Variants in SH3RF2 observed in about 807,000 individuals in gnomAD.
SH3RF2 encodes the protein E3 ubiquitin-protein ligase SH3RF2.
In SH3RF2, 43 loss-of-function variants were observed where a neutral mutation model predicts 59.0. The ratio of observed to expected loss-of-function variants is 0.73; its 90% CI spans 0.57 to 0.94. SH3RF2 has a LOEUF of 0.94. Among genes scored for constraint, SH3RF2 ranks in the 40% least tolerant of loss-of-function variants. The probability of loss-of-function intolerance (pLI) is 0.00; values close to 1 mark genes in which losing one functional copy is unlikely to be tolerated. For missense variants in SH3RF2, 930 were observed against 940.1 expected, an observed-to-expected ratio of 0.99 and a Z score of 0.14; for synonymous variants, 391 against 391.5, an observed-to-expected ratio of 1.00 and a Z score of 0.01.
chr5:146,046,829 C>A (rs1762321856), intron 5 of SH3RF2, among the ~76,000 whole-genome samples: 1 of 151,700 alleles, frequency 6.6e-6, no homozygotes, highest in Non-Finnish European at 1.5e-5. Context: ...AGTGGCACAA[C>A]CATGGCTCAC....
At chr5:146,064,658 GAGAA>G (rs1561773054), downstream of SH3RF2, among the ~76,000 whole-genome samples, 1 of 25,358 alleles carries the variant, frequency 3.9e-5, no homozygotes, top group East Asian at 1.4e-3. Context: ...AAGAGAGAGA[GAGAA>G]AGAGAAAGAA....
chr5:146,049,485 A>G (rs1762418661), intron 7 of SH3RF2, among the ~76,000 whole-genome samples: 1 of 152,216 alleles, frequency 6.6e-6, no homozygotes, highest in South Asian at 2.1e-4. Flanking sequence ...GTGCCCAAGA[A>G]TCCTCTAAGG....
At chr5:145,949,856 T>G (rs964196260) in intron 2 of SH3RF2, among the ~76,000 whole-genome samples, 2 of 152,264 alleles carry the variant, frequency 1.3e-5, no homozygotes, top group Admixed American at 6.5e-5. Context: ...TTCTTTTTAT[T>G]GTTTTGTTCT....
intron 5 of SH3RF2, among the ~76,000 whole-genome samples, chr5:146,018,537 T>G (rs1205584202): frequency 3.9e-5 from 6 of 152,044 alleles, no homozygotes; most frequent in African/African-American, 1.4e-4. Context: ...CACCACATTT[T>G]CTTTATCCAT....
intron 3 of SH3RF2, among the ~76,000 whole-genome samples, chr5:146,003,038 C>T (rs545859146): frequency 6.6e-6 from 1 of 152,274 alleles, no homozygotes; most frequent in African/African-American, 2.4e-5. Context: ...TAAATCAATC[C>T]TAATTCCTGA....
Position 145,939,233 on chromosome 5 carries a change from G to A in SH3RF2, c.378+927G>A, listed in dbSNP as rs568513322. On this transcript the variant is annotated intron_variant, in intron 2 of 9. Coordinates refer to ENST00000359120, the MANE Select transcript of SH3RF2 (RefSeq NM_152550.4). ...CAGTGTAAAAAAGTGGACACGGAAA[G>A]CTGTGGCTTGGGCCATTGGCATACT... Among the ~76,000 whole-genome samples, 7 of 152,358 alleles carry A rather than the reference G, an allele frequency of 4.6e-5. No homozygotes were observed. In the South Asian group the frequency reaches 1.4e-3, roughly 32 times the overall value.
chr5:145,955,230 G>A (rs1243478757), intron 2 of SH3RF2, among the ~76,000 whole-genome samples: 2 of 152,094 alleles, frequency 1.3e-5, no homozygotes, highest in Non-Finnish European at 2.9e-5. Flanking sequence ...TTTCAGTTGG[G>A]GAACAAAATC....
chr5:145,965,997 G>T (rs1758842865), intron 2 of SH3RF2, among the ~76,000 whole-genome samples: 1 of 152,190 alleles, frequency 6.6e-6, no homozygotes, highest in Non-Finnish European at 1.5e-5. Context: ...GAGGCAAAGG[G>T]AACAGTAGCT....
chr5:145,989,113 G>A (rs576699915), intron 2 of SH3RF2, among the ~76,000 whole-genome samples: 23 of 152,262 alleles, frequency 1.5e-4, no homozygotes, highest in African/African-American at 5.3e-4. Context: ...CCAGCAAAGT[G>A]CCCCAGATGC....
intron 5 of SH3RF2, among the ~76,000 whole-genome samples, chr5:146,041,457 G>GCCTAGCAC (rs1428964502): frequency 1.3e-5 from 2 of 152,212 alleles, no homozygotes; most frequent in African/African-American, 2.4e-5. Context: ...TAACCCCAGT[G>GCCTAGCAC]CCTAGCACGG....
intron 5 of SH3RF2, among the ~76,000 whole-genome samples, chr5:146,037,645 C>T (rs1761986014): frequency 6.6e-6 from 1 of 152,104 alleles, no homozygotes; most frequent in Admixed American, 6.5e-5. Flanking sequence ...TCTTAAAAAC[C>T]CTTCAGAATA....
intron 5 of SH3RF2, among the ~76,000 whole-genome samples, chr5:146,018,931 G>A (rs1424942677): frequency 6.6e-6 from 1 of 151,414 alleles, no homozygotes; most frequent in Non-Finnish European, 1.5e-5. Context: ...TATATCTTGT[G>A]TATCTTCTTT....
At chr5:145,992,811 G>A (rs1260048780) in intron 2 of SH3RF2, among the ~76,000 whole-genome samples, 3 of 152,132 alleles carry the variant, frequency 2.0e-5, no homozygotes, top group Non-Finnish European at 2.9e-5. Context: ...TCTGGGCGGG[G>A]ACAGAGCCAA....
intron 2 of SH3RF2, among the ~76,000 whole-genome samples, chr5:145,998,879 C>T (rs796246404): frequency 3.3e-4 from 50 of 152,226 alleles, no homozygotes; most frequent in African/African-American, 1.2e-3. Flanking sequence ...CCACTGGACT[C>T]CAGCCTGGCA....
At chr5:146,006,557 ATG>A (rs1022760784) in intron 4 of SH3RF2, among the ~76,000 whole-genome samples, 4 of 152,230 alleles carry the variant, frequency 2.6e-5, no homozygotes, top group Admixed American at 2.0e-4. Flanking sequence ...TGGAGGTAGA[ATG>A]TGCAAAAGTC....
chr5:145,991,501 A>G (rs1759930261), intron 2 of SH3RF2, among the ~76,000 whole-genome samples: 1 of 152,076 alleles, frequency 6.6e-6, no homozygotes. Flanking sequence ...GCTTTGCACT[A>G]TGGAAGCCAA....
chr5:145,997,792 G>GA, intron 2 of SH3RF2: 4 of 1,553,894 alleles, frequency 2.6e-6, no homozygotes, highest in African/African-American at 1.4e-5. Context: ...TAAACCTAAA[G>GA]AAAAAAAATT....
chr5:146,051,945 G>A (rs1214477479), intron 7 of SH3RF2, among the ~76,000 whole-genome samples: 1 of 152,110 alleles, frequency 6.6e-6, no homozygotes, highest in African/African-American at 2.4e-5. Flanking sequence ...GTGGAGTGGT[G>A]GGTAGTCAAG....
intron 4 of SH3RF2, among the ~76,000 whole-genome samples, chr5:146,006,198 G>A (rs2149987839): frequency 6.6e-6 from 1 of 152,286 alleles, no homozygotes; most frequent in Non-Finnish European, 1.5e-5. Context: ...CAAGGCAGAA[G>A]GATTACTTGA....
Sources: gnomAD v4.1 joint callset for allele counts (sites outside exome capture counted in the v4.1 genomes callset) on GRCh38, gnomAD v4.1.1 for gene constraint, MANE v1.5 for transcripts, NCBI Gene and HGNC (gene_info 2026-07-23, HGNC 2026-07-21) for gene names.